The following CAST variants were observed in gnomAD, a reference collection of about 807,000 sequenced individuals.
CAST encodes the protein calpastatin.
A neutral mutation model predicts 119.6 loss-of-function variants in CAST; 76 were observed. The ratio of observed to expected loss-of-function variants is 0.64; its 90% CI spans 0.53 to 0.77. CAST has a LOEUF of 0.77. Ranked by LOEUF, CAST falls within the 30% of genes least tolerant of loss-of-function variation. The probability of loss-of-function intolerance (pLI) is 0.00; values close to 1 mark genes in which losing one functional copy is unlikely to be tolerated. For missense variants in CAST, 953 were observed against 946.5 expected (o/e 1.01, Z -0.09); for synonymous variants, 319 against 331.6 (o/e 0.96, Z 0.41).
At position 96,748,598 on chromosome 5, in the gene CAST, A is replaced by G. The variant is rs1363881693; in HGVS notation, c.1413A>G (p.Pro471=). 1 of 1,494,088 alleles carries G rather than the reference A, an allele frequency of 6.7e-7. No individual in the cohort carries two copies. The highest frequency in any genetic ancestry group is 2.3e-5 in the East Asian group (1 of 44,266). 92.6% of individuals were successfully genotyped at this position (1,494,088 alleles called of 1,614,324 possible). ...RSECKEKPSK[P]TEKTEESKAA... is the part of the protein sequence containing the mutation. ...AATGTAAAGAGAAACCATCTAAGCC[A>G]ACTGAAAAGACAGAAGTATGTTTCT... is the stretch of plus-strand genomic sequence containing the variant. The change falls in exon 19 of 32, where the codon CCA becomes CCG. Residue 471 remains proline, a synonymous_variant. Coordinates refer to ENST00000675179, the MANE Select transcript of CAST (RefSeq NM_001750.7).
At chr5:96,500,409 A>G in the CAST span, among the ~76,000 whole-genome samples, 3 of 152,298 alleles carry the variant, frequency 2.0e-5, no homozygotes, top group African/African-American at 7.2e-5. Context: ...ACATATTCTA[A>G]GCTACTTTGT....
chr5:96,026,105 C>G, the CAST span, among the ~76,000 whole-genome samples: 2 of 152,136 alleles, frequency 1.3e-5, no homozygotes, highest in Admixed American at 1.3e-4. Context: ...GGCATGGTGG[C>G]ATGCACCCGT....
chr5:96,535,718 C>T (rs538583021), intron 1 of CAST, among the ~76,000 whole-genome samples: 28 of 151,874 alleles, frequency 1.8e-4, no homozygotes, highest in African/African-American at 6.5e-4. Context: ...GGACTACAGG[C>T]GCCCGCCACC....
chr5:96,643,315 T>C (rs1747975590), intron 1 of CAST, among the ~76,000 whole-genome samples: 1 of 152,250 alleles, frequency 6.6e-6, no homozygotes, highest in Non-Finnish European at 1.5e-5. Flanking sequence ...TCACAAAAGA[T>C]CACTTATTAT....
intron 16 of CAST, 82 bp from the exon 17 acceptor site, chr5:96,746,260 T>G (rs1763729586): frequency 1.2e-6 from 1 of 827,228 alleles, no homozygotes; most frequent in African/African-American, 1.7e-5. Flanking sequence ...TCTATAACAC[T>G]CGAGAAGTAC....
At chr5:96,468,835 G>T in the CAST span, among the ~76,000 whole-genome samples, 1 of 151,966 alleles carries the variant, frequency 6.6e-6, no homozygotes. Context: ...GGAGAGAAAA[G>T]GTAGAAAAAT....
At chr5:96,025,694 T>G in the CAST span, among the ~76,000 whole-genome samples, 1 of 152,182 alleles carries the variant, frequency 6.6e-6, no homozygotes, top group Non-Finnish European at 1.5e-5. Flanking sequence ...AAAAACAAGC[T>G]GCAGAGACAA....
intron 1 of CAST, among the ~76,000 whole-genome samples, chr5:96,550,675 G>A (rs1212848348): frequency 2.0e-5 from 3 of 152,182 alleles, no homozygotes; most frequent in African/African-American, 7.2e-5. Context: ...TTGAAAAAAG[G>A]TTAGACGAAT....
the CAST span, among the ~76,000 whole-genome samples, chr5:96,431,671 T>C: frequency 1.3e-5 from 2 of 152,004 alleles, no homozygotes; most frequent in African/African-American, 4.8e-5. Flanking sequence ...TCAAAGACAA[T>C]TTGGTTTATA....
intron 1 of CAST, among the ~76,000 whole-genome samples, chr5:96,651,079 A>T (rs1298276634): frequency 6.6e-6 from 1 of 152,170 alleles, no homozygotes. Flanking sequence ...TGAACTAATA[A>T]AACAACAGAC....
chr5:96,515,042 T>C, the CAST span, among the ~76,000 whole-genome samples: 1 of 152,180 alleles, frequency 6.6e-6, no homozygotes, highest in Non-Finnish European at 1.5e-5. Flanking sequence ...TAAACCACTG[T>C]GCACGGCCAG....
intron 1 of CAST, among the ~76,000 whole-genome samples, chr5:96,534,325 CT>C (rs1166842485): frequency 1.3e-5 from 2 of 152,018 alleles, no homozygotes; most frequent in East Asian, 3.9e-4. Context: ...AAAACTGCAA[CT>C]ATATGATGTC....
intron 1 of CAST, among the ~76,000 whole-genome samples, chr5:96,644,804 G>A (rs1462337006): frequency 2.6e-5 from 4 of 152,076 alleles, no homozygotes; most frequent in African/African-American, 7.2e-5. Context: ...GTGAAACCCC[G>A]TGTCTACTAA....
At chr5:96,075,026 G>T in the CAST span, among the ~76,000 whole-genome samples, 1 of 152,154 alleles carries the variant, frequency 6.6e-6, no homozygotes, top group Non-Finnish European at 1.5e-5. Context: ...GAAGTGGTCT[G>T]CCAGGAAGAA....
At chr5:96,224,009 A>G in the CAST span, among the ~76,000 whole-genome samples, 3 of 152,206 alleles carry the variant, frequency 2.0e-5, no homozygotes, top group Non-Finnish European at 2.9e-5. Flanking sequence ...AAAAGAATAG[A>G]TTGTGATGGT....
intron 1 of CAST, among the ~76,000 whole-genome samples, chr5:96,664,426 C>G (rs1315160073): frequency 6.6e-6 from 1 of 151,874 alleles, no homozygotes; most frequent in Non-Finnish European, 1.5e-5. Context: ...CACACACACA[C>G]ACACATACAA....
At chr5:96,504,310 C>G in the CAST span, among the ~76,000 whole-genome samples, 5 of 152,254 alleles carry the variant, frequency 3.3e-5, no homozygotes, top group African/African-American at 1.2e-4. Flanking sequence ...TTCTCATTTC[C>G]CATACACGAT....
rs551805018 is a variant in CAST at position 96,735,762 on chromosome 5, T to C, written c.631-410T>C. ...AAGAGGAGGTGTTGAGATGCCGAAGTGAGGGATATGGAAGTCTTGATGTGT... is the reference window on the plus strand; with the variant it reads ...AAGAGGAGGTGTTGAGATGCCGAAGCGAGGGATATGGAAGTCTTGATGTGT... On this transcript the variant is annotated intron_variant, in intron 9 of 31. Coordinates refer to ENST00000675179, the MANE Select transcript of CAST (RefSeq NM_001750.7). 3.3e-5 allele frequency among the ~76,000 whole-genome samples: 5 copies of C among 151,940 alleles called. No homozygotes were observed. In the South Asian group the frequency reaches 8.3e-4, roughly 25 times the overall value.
intron 1 of CAST, among the ~76,000 whole-genome samples, chr5:96,586,191 G>A (rs928235923): frequency 6.6e-6 from 1 of 152,166 alleles, no homozygotes; most frequent in Admixed American, 6.5e-5. Flanking sequence ...ACTACTAGGT[G>A]GTGGTAGCAC....
Sources: gnomAD v4.1 joint callset for allele counts (sites outside exome capture counted in the v4.1 genomes callset) on GRCh38, gnomAD v4.1.1 for gene constraint, MANE v1.5 for transcripts, NCBI Gene and HGNC (gene_info 2026-07-23, HGNC 2026-07-21) for gene names.